ZNG1E: variants seen among roughly 807,000 people sequenced by gnomAD.
ZNG1E encodes the protein Zn regulated GTPase metalloprotein activator 1E, also known as zinc-regulated GTPase metalloprotein activator 1E.
chr9:65,657,761 C>T, the ZNG1E span, among the ~76,000 whole-genome samples: 11 of 152,380 alleles, frequency 7.2e-5, no homozygotes, highest in South Asian at 6.2e-4. Flanking sequence ...CTTGAGGCAA[C>T]GGATATACCA....
At chr9:65,684,951 A>G in the ZNG1E span, among the ~76,000 whole-genome samples, 1 of 151,508 alleles carries the variant, frequency 6.6e-6, no homozygotes, top group Non-Finnish European at 1.5e-5. Context: ...GCTACTTGGG[A>G]GGATCACTTG....
chr9:65,711,231 T>A, the ZNG1E span, among the ~76,000 whole-genome samples: 121 of 118,236 alleles, frequency 1.0e-3, no homozygotes, highest in Non-Finnish European at 1.6e-3. Context: ...TGAAGTTGCT[T>A]ATCAGCTTAA....
chr9:65,707,882 G>T, the ZNG1E span: 2 of 138,456 alleles, frequency 1.4e-5, no homozygotes, highest in African/African-American at 5.6e-5. Flanking sequence ...TTTCTTTTGA[G>T]GCGGAGTCTC....
At chr9:65,661,947 C>T in the ZNG1E span, among the ~76,000 whole-genome samples, 2 of 152,384 alleles carry the variant, frequency 1.3e-5, no homozygotes, top group South Asian at 4.1e-4. Context: ...GGATGATCAA[C>T]TGTGGGCTAG....
chr9:65,664,489 G>A, the ZNG1E span, among the ~76,000 whole-genome samples: 327 of 82,648 alleles, frequency 4.0e-3, no homozygotes, highest in East Asian at 6.0e-3. Context: ...TTTGCCTTCC[G>A]CCATGATTGT....
the ZNG1E span, among the ~76,000 whole-genome samples, chr9:65,716,929 A>T: frequency 1.4e-5 from 2 of 147,930 alleles, no homozygotes; most frequent in Non-Finnish European, 3.0e-5. Flanking sequence ...ACCTGGAAAA[A>T]ATCAGCATTT....
chr9:65,656,705 T>C, the ZNG1E span, among the ~76,000 whole-genome samples: 1 of 152,410 alleles, frequency 6.6e-6, no homozygotes, highest in African/African-American at 2.4e-5. Flanking sequence ...AGTTCAGTAA[T>C]ATAAATGAAG....
the ZNG1E span, among the ~76,000 whole-genome samples, chr9:65,674,009 A>G: frequency 6.6e-6 from 1 of 152,260 alleles, no homozygotes; most frequent in East Asian, 1.9e-4. Context: ...AGGTTGCCAA[A>G]AAAATCAATA....
chr9:65,660,448 A>C, the ZNG1E span, among the ~76,000 whole-genome samples: 4 of 152,298 alleles, frequency 2.6e-5, no homozygotes, highest in African/African-American at 7.2e-5. Flanking sequence ...ATCTGTGGAT[A>C]TTGTTTACAT....
At chr9:65,661,915 T>A in the ZNG1E span, among the ~76,000 whole-genome samples, 1 of 152,392 alleles carries the variant, frequency 6.6e-6, no homozygotes, top group South Asian at 2.1e-4. Flanking sequence ...TTAATAAAGC[T>A]GTAATTTTGA....
the ZNG1E span, among the ~76,000 whole-genome samples, chr9:65,709,972 A>G: frequency 6.6e-6 from 1 of 150,482 alleles, no homozygotes; most frequent in Non-Finnish European, 1.5e-5. Flanking sequence ...TCCCGCCAAC[A>G]GTGTAAAAGT....
At chr9:65,689,423 T>C in the ZNG1E span, among the ~76,000 whole-genome samples, 1 of 113,892 alleles carries the variant, frequency 8.8e-6, no homozygotes, top group Non-Finnish European at 1.8e-5. Context: ...CAAAAACATC[T>C]TCAGACATTG....
the ZNG1E span, among the ~76,000 whole-genome samples, chr9:65,666,264 G>T: frequency 2.0e-5 from 3 of 150,600 alleles, no homozygotes; most frequent in East Asian, 5.8e-4. Context: ...AATCATGGGG[G>T]CAGGCCTTTC....
chr9:65,675,694 GT>G, the ZNG1E span: 1 of 414,326 alleles, frequency 2.4e-6, no homozygotes, highest in Non-Finnish European at 4.1e-6. Context: ...CAGGTGGTTA[GT>G]GCGCCCTAAG....
chr9:65,704,030 C>T, the ZNG1E span: 1 of 293,054 alleles, frequency 3.4e-6, no homozygotes, highest in Non-Finnish European at 3.9e-6. Flanking sequence ...TCCTCAGTAT[C>T]TGTCCTCTTC....
the ZNG1E span, among the ~76,000 whole-genome samples, chr9:65,699,044 G>A: frequency 6.8e-6 from 1 of 147,626 alleles, no homozygotes; most frequent in South Asian, 2.1e-4. Flanking sequence ...CCGCCACCAT[G>A]CCCAGCTAAT....
At chr9:65,710,235 T>C in the ZNG1E span, among the ~76,000 whole-genome samples, 1 of 146,840 alleles carries the variant, frequency 6.8e-6, no homozygotes, top group African/African-American at 2.6e-5. Context: ...TTTGAGTTCA[T>C]TGTAGATTCT....
chr9:65,657,098 A>G, the ZNG1E span, among the ~76,000 whole-genome samples: 1 of 152,020 alleles, frequency 6.6e-6, no homozygotes, highest in Non-Finnish European at 1.5e-5. Context: ...CTATGCTGGG[A>G]GAAGAAAACT....
chr9:65,677,441 T>C, the ZNG1E span, among the ~76,000 whole-genome samples: 1 of 152,174 alleles, frequency 6.6e-6, no homozygotes, highest in African/African-American at 2.4e-5. Flanking sequence ...CTTCCCCCTT[T>C]GTCCATCTTT....
Sources: allele counts gnomAD v4.1 joint callset (sites outside exome capture counted in the v4.1 genomes callset), GRCh38; gene constraint gnomAD v4.1.1; transcripts MANE v1.5; gene names NCBI Gene and HGNC (gene_info 2026-07-23, HGNC 2026-07-21).